The following RHOBTB1 variants were observed in gnomAD, a reference collection of about 807,000 sequenced individuals.
RHOBTB1 encodes the protein Rho related BTB domain containing 1.
RHOBTB1 carries 40 observed loss-of-function variants against 71.6 expected under a neutral mutation model. The ratio of observed to expected loss-of-function variants is 0.56; its 90% CI spans 0.43 to 0.73. RHOBTB1 has a LOEUF of 0.73. RHOBTB1 is among the 30% of genes least tolerant of loss of function. RHOBTB1 has a pLI of 0.00. For synonymous variants in RHOBTB1, 319 were observed against 334.9 expected (o/e 0.95, Z 0.52); for missense variants, 797 against 894.0 (o/e 0.89, Z 1.38).
At chr10:60,908,019 T>C (rs2082766086) in intron 4 of RHOBTB1, among the ~76,000 whole-genome samples, 1 of 152,228 alleles carries the variant, frequency 6.6e-6, no homozygotes, top group Admixed American at 6.5e-5. Context: ...CAGTAGGCTT[T>C]TGAAAAATTG....
rs577400843 is a variant in RHOBTB1 at position 60,902,509 on chromosome 10, C to G, written c.296+8378G>C. On this transcript the variant is annotated intron_variant, in intron 4 of 10. Coordinates refer to ENST00000337910, the MANE Select transcript of RHOBTB1 (RefSeq NM_014836.5). Reference sequence around the variant, plus strand: ...GAGAAACAACCTATAATTGGAAAAGCGTTATTATTCATACAAGTAATTCAC... The same window carrying G: ...GAGAAACAACCTATAATTGGAAAAGGGTTATTATTCATACAAGTAATTCAC... Among the ~76,000 whole-genome samples, 8 of 152,144 alleles carry G rather than the reference C, an allele frequency of 5.3e-5. No homozygotes were observed. The East Asian group carries it at 1.4e-3, about 26-fold the overall frequency.
At chr10:60,948,941 G>C (rs1589402089), upstream of RHOBTB1, among the ~76,000 whole-genome samples, 1 of 152,298 alleles carries the variant, frequency 6.6e-6, no homozygotes, top group African/African-American at 2.4e-5. Context: ...TTTAGCAGTG[G>C]TTTAGTGGCA....
In RHOBTB1 at chr10:60,871,369, G is replaced by T; in HGVS notation, c.*113C>A. 1.8e-6 allele frequency: 2 copies of T among 1,082,030 alleles called. No homozygotes were observed. Among genetic ancestry groups the T allele is most frequent in the Non-Finnish European group, 1.3e-6 (1 of 755,576 alleles). 67.0% of individuals were successfully genotyped at this position (1,082,030 alleles called of 1,614,324 possible). A position where few individuals can be genotyped will look rare whatever the true frequency, so the allele number is the denominator to read the frequency against. On this transcript the variant is annotated 3_prime_UTR_variant, in exon 11 of 11. Coordinates refer to ENST00000337910, the MANE Select transcript of RHOBTB1 (RefSeq NM_014836.5). ...CAAAAGTGGAGGAAGATCAGTGCCC[G>T]AAACCTGAACTATGTCGTATCTCTA...
rs1355653025 is a variant in RHOBTB1 at position 60,888,458 on chromosome 10, C to T, written c.1210G>A (p.Ala404Thr). ...MGPMTVVRMD[A>T]SVQPGPFRTL... ...CGAAAAGGGCCTGGCTGGACTGAAG[C>T]GTCCATCCTGACCACAGTCATGGGC... The change falls in exon 6 of 11, where the codon GCT (alanine) becomes ACT (threonine). Residue 404 changes from alanine to threonine, a missense_variant. By Grantham distance (58) the Ala-to-Thr change is moderately conservative. Around this residue, in one of 2 missense-constraint regions of RHOBTB1, gnomAD observed 658 missense variants for 681.5 expected, o/e 0.97. Transcript: ENST00000337910. 8.1e-6 allele frequency: 13 copies of T among 1,614,066 alleles called. No homozygotes were observed. Among genetic ancestry groups the T allele is most frequent in the African/African-American group, 4.0e-5 (3 of 74,910 alleles).
At chr10:60,978,004 T>C (rs939305468) in intron 2 of RHOBTB1, among the ~76,000 whole-genome samples, 7 of 152,024 alleles carry the variant, frequency 4.6e-5, no homozygotes, top group African/African-American at 1.2e-4. Context: ...AATGGGAAAA[T>C]AAAATGCCGA....
intron 2 of RHOBTB1, among the ~76,000 whole-genome samples, chr10:60,953,323 T>C (rs1246204269): frequency 6.6e-6 from 1 of 152,198 alleles, no homozygotes; most frequent in Non-Finnish European, 1.5e-5. Flanking sequence ...GTGAGGCTTC[T>C]TTCTTCTTAA....
At chr10:60,864,493 G>T (rs140323033), downstream of RHOBTB1, among the ~76,000 whole-genome samples, 890 of 152,256 alleles carry the variant, frequency 5.8e-3, 6 homozygotes, top group African/African-American at 0.02. Context: ...ATCTTAACAT[G>T]CCTGAGACCT....
At chr10:60,868,069 T>A (rs1382595735), downstream of RHOBTB1, among the ~76,000 whole-genome samples, 1 of 152,214 alleles carries the variant, frequency 6.6e-6, no homozygotes, top group Non-Finnish European at 1.5e-5. Flanking sequence ...TCTTTTTTTC[T>A]TTCTTTCTTT....
At position 60,889,002 on chromosome 10, in the gene RHOBTB1, C is replaced by A; in HGVS notation, c.666G>T (p.Lys222Asn). 6.2e-7 allele frequency: 1 copy of A among 1,614,090 alleles called. No individual in the cohort carries two copies. The highest frequency in any genetic ancestry group is 8.5e-7 in the Non-Finnish European group (1 of 1,179,998). Residue 222 changes from lysine (K) to asparagine (N), a missense_variant, in exon 6 of 11, where the codon AAG becomes AAT. Around this residue, in one of 2 missense-constraint regions of RHOBTB1, gnomAD observed 658 missense variants for 681.5 expected, o/e 0.97. Coordinates refer to ENST00000337910, the MANE Select transcript of RHOBTB1 (RefSeq NM_014836.5). ...RHLQFWKSHLKKVQKPLLQAP... is the reference protein window; with the variant it reads ...RHLQFWKSHLNKVQKPLLQAP... ...CCTGAAGTAAAGGTTTCTGGACTTT[C>A]TTTAGGTGGGATTTCCAGAATTGCA...
At chr10:60,862,259 G>A in the RHOBTB1 span, among the ~76,000 whole-genome samples, 7 of 150,946 alleles carry the variant, frequency 4.6e-5, no homozygotes, top group South Asian at 6.3e-4. Flanking sequence ...CTGCAGTGGC[G>A]TGATCTCGGC....
In RHOBTB1 at chr10:60,992,705, T is replaced by G. The variant is rs79010049; in HGVS notation, c.-162-6760A>C. On this transcript the variant is annotated intron_variant, in intron 1 of 11. Transcript: ENST00000357917. ...AATCATGAAACACAAATTTTGTAAA[T>G]TAGAATAGTATCAGTTATGAATGCA... Among the ~76,000 whole-genome samples the G allele has an allele frequency of 6.0e-3, 912 of 152,268 alleles. 6 individuals are homozygous for G. Among genetic ancestry groups the G allele is most frequent in the African/African-American group, 0.021 (883 of 41,560 alleles).
At chr10:60,913,221 C>T (rs1303148701) in intron 2 of RHOBTB1, among the ~76,000 whole-genome samples, 1 of 152,158 alleles carries the variant, frequency 6.6e-6, no homozygotes, top group African/African-American at 2.4e-5. Flanking sequence ...GACTGTAACG[C>T]CATCACAGGA....
chr10:60,988,089 G>A (rs111899600), intron 1 of RHOBTB1, among the ~76,000 whole-genome samples: 13,043 of 150,856 alleles, frequency 0.086, 726 homozygotes, highest in Middle Eastern at 0.14. Flanking sequence ...CCACCACCAC[G>A]CCCGGCTAAT....
At chr10:60,887,627 C>T (rs1439542330) in intron 6 of RHOBTB1, among the ~76,000 whole-genome samples, 1 of 152,144 alleles carries the variant, frequency 6.6e-6, no homozygotes, top group Non-Finnish European at 1.5e-5. Flanking sequence ...GGCCAAGGAG[C>T]ATGAGGACGG....
chr10:60,943,812 T>C (rs1233483027), intron 1 of RHOBTB1, among the ~76,000 whole-genome samples, 159 bp downstream of exon 1: 1 of 151,722 alleles, frequency 6.6e-6, no homozygotes, highest in East Asian at 2.0e-4. Context: ...GAGGCCCCCC[T>C]AGCGGCTCGG....
In RHOBTB1 at chr10:60,891,485, T is replaced by G. The variant is rs571717021; in HGVS notation, c.482+1325A>C. 2.0e-5 allele frequency among the ~76,000 whole-genome samples: 3 copies of G among 151,736 alleles called. No homozygotes were observed. The East Asian group carries it at 5.9e-4, about 30-fold the overall frequency. On this transcript the variant is annotated intron_variant, in intron 5 of 10. Transcript: ENST00000337910. ...CCTCTCAAGTAGCTGAAACCACAGG[T>G]GTGCACCACCAGTCCTGGCTGATTT...
chr10:60,955,729 C>G (rs2085568406), intron 2 of RHOBTB1, among the ~76,000 whole-genome samples: 1 of 152,144 alleles, frequency 6.6e-6, no homozygotes, highest in African/African-American at 2.4e-5. Context: ...GTTACAGATA[C>G]TCAGAAGGGT....
intron 1 of RHOBTB1, among the ~76,000 whole-genome samples, chr10:60,992,674 C>T (rs1589477176): frequency 6.6e-6 from 1 of 152,064 alleles, no homozygotes; most frequent in South Asian, 2.1e-4. Context: ...TTTTCTCATG[C>T]CCCCAAATCA....
chr10:60,911,018 C>T (rs753304501), intron 3 of RHOBTB1, 28 bp from the exon 4 acceptor site: 13 of 1,583,362 alleles, frequency 8.2e-6, no homozygotes, highest in South Asian at 2.2e-5. Flanking sequence ...AGCATCTGTG[C>T]TCGGTGTCAG....
Sources: allele counts gnomAD v4.1 joint callset (sites outside exome capture counted in the v4.1 genomes callset), GRCh38; gene constraint gnomAD v4.1.1; regional missense constraint gnomAD v4.1.1; transcripts MANE v1.5; gene names NCBI Gene and HGNC (gene_info 2026-07-23, HGNC 2026-07-21).